The following DNM2 variants were observed in gnomAD, a reference collection of about 807,000 sequenced individuals.
DNM2 encodes the protein dynamin 2.
DNM2 carries 15 observed loss-of-function variants against 99.0 expected under a neutral mutation model. The ratio of observed to expected loss-of-function variants is 0.15; its 90% CI spans 0.10 to 0.23. The LOEUF is 0.23. Among genes scored for constraint, DNM2 ranks in the 10% least tolerant of loss-of-function variants. DNM2 has a pLI of 1.00. For missense variants in DNM2, 742 were observed against 1,189.4 expected (o/e 0.62, Z 5.53); for synonymous variants, 525 against 481.2 (o/e 1.09, Z -1.19).
rs374887052 is a variant in DNM2, at chr19:10,783,675, TTTATTA to T, written c.849+582_849+587del. 3.6e-3 allele frequency among the ~76,000 whole-genome samples: 507 copies of T among 141,328 alleles called. 3 individuals carry two copies. Among genetic ancestry groups the T allele is most frequent in the African/African-American group, 0.013 (489 of 36,336 alleles). The allele number at this position is 141,328 out of a possible 152,430, so 92.7% of individuals were successfully genotyped here. A position where few individuals can be genotyped will look rare whatever the true frequency, so the allele number is the denominator to read the frequency against. ...ACAGGGGGTTAATAACTCTTTTTTA[TTTATTA>T]TTATTATTATTATTATTATTATTAT... On this transcript the variant is annotated intron_variant, in intron 6 of 20. Coordinates refer to ENST00000389253, the MANE Select transcript of DNM2 (RefSeq NM_001005361.3).
At chr19:10,826,765 TAGTCCCAGCTACTC>T (rs2073154820) in intron 18 of DNM2, among the ~76,000 whole-genome samples, 1 of 152,056 alleles carries the variant, frequency 6.6e-6, no homozygotes, top group Non-Finnish European at 1.5e-5. Context: ...CAAATGCCTG[TAGTCCCAGCTACTC>T]AGAAGACCGA....
rs181360232 is a variant in DNM2, at chr19:10,756,940, C to T, written c.162-2798C>T. ...CACCTGCCTCCTGCTCCTGCCCTCTCCTCTGCCCTGCATCAGCCAGAGGGG... is the reference window on the plus strand; with the variant it reads ...CACCTGCCTCCTGCTCCTGCCCTCTTCTCTGCCCTGCATCAGCCAGAGGGG... On this transcript the variant is annotated intron_variant, in intron 1 of 20. Coordinates refer to ENST00000389253, the MANE Select transcript of DNM2 (RefSeq NM_001005361.3). 1.9e-3 allele frequency among the ~76,000 whole-genome samples: 294 copies of T among 152,286 alleles called. 1 individual carries two copies. Among genetic ancestry groups the T allele is most frequent in the Non-Finnish European group, 3.5e-3 (235 of 68,018 alleles).
At chr19:10,733,173 C>T (rs905855103) in intron 1 of DNM2, among the ~76,000 whole-genome samples, 3 of 145,468 alleles carry the variant, frequency 2.1e-5, no homozygotes, top group Non-Finnish European at 3.0e-5. Flanking sequence ...TGTGAGCCAC[C>T]GCGCCTGGGC....
rs111604945 is a variant in DNM2 at position 10,799,419 on chromosome 19, T to C, written c.1422+847T>C. ...AGCCAAGCGTGTTGTTTGTTGTATC[T>C]GTAGTTTGCTGCCTTGATTACTAAG... On this transcript the variant is annotated intron_variant, in intron 11 of 20. Coordinates refer to ENST00000389253, the MANE Select transcript of DNM2 (RefSeq NM_001005361.3). Among the ~76,000 whole-genome samples the C allele has an allele frequency of 4.0e-3, 600 of 151,348 alleles. 3 individuals carry two copies. Among genetic ancestry groups the C allele is most frequent in the African/African-American group, 0.014 (565 of 41,404 alleles).
At chr19:10,732,611 A>G (rs538285998) in intron 1 of DNM2, among the ~76,000 whole-genome samples, 12 of 151,902 alleles carry the variant, frequency 7.9e-5, no homozygotes, top group Admixed American at 7.9e-4. Flanking sequence ...AAAAAAAAGG[A>G]AAAACAATTC....
At chr19:10,719,265 A>G (rs2068857448) in intron 1 of DNM2, among the ~76,000 whole-genome samples, 1 of 152,084 alleles carries the variant, frequency 6.6e-6, no homozygotes, top group Non-Finnish European at 1.5e-5. Context: ...GAGCTGAAGG[A>G]GGAGGTTTGG....
At position 10,805,952 on chromosome 19, in the gene DNM2, A is replaced by G. The variant is rs755640122; in HGVS notation, c.1530A>G (p.Arg510=). 4.3e-6 allele frequency: 7 copies of G among 1,613,892 alleles called. No individual in the cohort carries two copies. Among genetic ancestry groups the G allele is most frequent in the Non-Finnish European group, 5.9e-6 (7 of 1,180,038 alleles). The part of the protein sequence containing the change: ...QQRSTQLNKK[R]AIPNQGEILV... ...GGAGCACGCAGCTGAACAAGAAGAG[A>G]GCCATCCCCAATCAGGTAGCACACC... Residue 510 remains arginine, a synonymous_variant, in exon 13 of 21, where the codon AGA becomes AGG. Coordinates refer to ENST00000389253, the MANE Select transcript of DNM2 (RefSeq NM_001005361.3).
At position 10,771,252 on chromosome 19, in the gene DNM2, A is replaced by G. The variant is rs114723480; in HGVS notation, c.236-1227A>G. ...TCGGCAGCCACCTTCCGTGATGAAC[A>G]TGCCTTATATTTGCTTTGTCCTCAA... On this transcript the variant is annotated intron_variant, in intron 2 of 20. Transcript: ENST00000389253. Among the ~76,000 whole-genome samples, 721 of 152,268 alleles carry G rather than the reference A, an allele frequency of 4.7e-3. 7 individuals are homozygous for G. The highest frequency in any genetic ancestry group is 0.016 in the African/African-American group (681 of 41,562).
chr19:10,768,175 C>T (rs781719859), intron 2 of DNM2, among the ~76,000 whole-genome samples: 4 of 151,782 alleles, frequency 2.6e-5, no homozygotes, highest in African/African-American at 7.3e-5. Context: ...CCCTGCTGGC[C>T]GGGCGCGGTG....
intron 13 of DNM2, 81 bp from the exon 14 acceptor site, chr19:10,808,488 C>T: frequency 6.7e-7 from 1 of 1,493,768 alleles, no homozygotes; most frequent in Non-Finnish European, 9.1e-7. Context: ...TTTTCTTTGT[C>T]CCCTTCACGT....
chr19:10,739,723 G>A (rs991251108), intron 1 of DNM2, among the ~76,000 whole-genome samples: 3 of 151,920 alleles, frequency 2.0e-5, no homozygotes, highest in African/African-American at 7.3e-5. Flanking sequence ...GGGTGTAGTG[G>A]CACATGCCTG....
In DNM2 at chr19:10,799,814, G is replaced by T. The variant is rs186294510; in HGVS notation, c.1422+1242G>T. ...CTCCCAAAGTGCTGGGATTATAGGG[G>T]TGAGCTACCACGCCCAGCCTGCTTT... On this transcript the variant is annotated intron_variant, in intron 11 of 20. Coordinates refer to ENST00000389253, the MANE Select transcript of DNM2 (RefSeq NM_001005361.3). 1.1e-4 allele frequency among the ~76,000 whole-genome samples: 17 copies of T among 151,906 alleles called. 1 individual carries two copies. In the East Asian group the frequency reaches 2.7e-3, roughly 24 times the overall value.
At chr19:10,808,151 A>T (rs2072417760) in intron 13 of DNM2, among the ~76,000 whole-genome samples, 1 of 151,740 alleles carries the variant, frequency 6.6e-6, no homozygotes, top group Non-Finnish European at 1.5e-5. Flanking sequence ...TCAGGAAAAA[A>T]AAAAAGAAAG....
rs148105340 is a variant in DNM2, at chr19:10,786,658, A to G, written c.944A>G (p.Lys315Arg). 15 of 1,614,028 alleles carry G rather than the reference A, an allele frequency of 9.3e-6. No homozygotes were observed. Among genetic ancestry groups the G allele is most frequent in the Admixed American group, 5.0e-5 (3 of 59,996 alleles). ...CTGGAGAAGGAGGTGGAGGAGTACA[A>G]GAACTTTCGGCCCGACGACCCCACC... ...LSLEKEVEEY[K>R]NFRPDDPTRK... Residue 315 changes from lysine to arginine, a missense_variant, in exon 7 of 21, where the codon AAG (lysine) becomes AGG (arginine). This residue lies in a region of DNM2 where 44 missense variants were observed against 41.3 expected (regional missense o/e 1.06). Transcript: ENST00000389253.
At position 10,796,427 on chromosome 19, in the gene DNM2, A is replaced by T. The variant is rs536988136; in HGVS notation, c.1197-953A>T. Reference sequence around the variant, plus strand: ...TCCTGGACTGGCCAGACAGATGCACAGTTGTCCCTGGGACCCTGATACCAA... The same window carrying T: ...TCCTGGACTGGCCAGACAGATGCACTGTTGTCCCTGGGACCCTGATACCAA... On this transcript the variant is annotated intron_variant, in intron 9 of 20. Transcript: ENST00000389253. This position sits in a 1 kb window ranked among gnomAD's most constrained non-coding sequence, Gnocchi z 5.6. Among the ~76,000 whole-genome samples, 23 of 152,248 alleles carry T rather than the reference A, an allele frequency of 1.5e-4. No homozygotes were observed. Among genetic ancestry groups the T allele is most frequent in the African/African-American group, 5.1e-4 (21 of 41,552 alleles).
At chr19:10,750,079 G>A (rs2070139308) in intron 1 of DNM2, among the ~76,000 whole-genome samples, 1 of 152,192 alleles carries the variant, frequency 6.6e-6, no homozygotes, top group Admixed American at 6.5e-5. Context: ...GAAGCTTGGA[G>A]GCAGGATCTT....
In DNM2 at chr19:10,830,233, G is replaced by A. The variant is rs771995046; in HGVS notation, c.2398G>A (p.Ala800Thr). 7 of 1,613,964 alleles carry A rather than the reference G, an allele frequency of 4.3e-6. No homozygotes were observed. The highest frequency in any genetic ancestry group is 5.9e-6 in the Non-Finnish European group (7 of 1,179,906). The change falls in exon 20 of 21, where the codon GCA (alanine) becomes ACA (threonine). Residue 800 changes from alanine (A) to threonine (T), a missense_variant. Ala to Thr is a moderately conservative substitution (Grantham distance 58). Transcript: ENST00000389253. This position sits in a 1 kb window ranked among gnomAD's most constrained non-coding sequence, Gnocchi z 4.8. ...GPPLIPVPVG[A>T]AASFSAPPIP... Reference sequence around the variant, plus strand: ...CCCCCTGATTCCTGTTCCCGTGGGGGCAGCAGCCTCCTTCTCGGCGCCCCC... The same window carrying A: ...CCCCCTGATTCCTGTTCCCGTGGGGACAGCAGCCTCCTTCTCGGCGCCCCC...
At chr19:10,736,124 G>A (rs773974833) in intron 1 of DNM2, among the ~76,000 whole-genome samples, 1 of 152,072 alleles carries the variant, frequency 6.6e-6, no homozygotes, top group African/African-American at 2.4e-5. Flanking sequence ...AATTAGCTGG[G>A]CGTGGTGGTG....
chr19:10,732,345 A>G (rs2069356269), intron 1 of DNM2, among the ~76,000 whole-genome samples: 1 of 148,628 alleles, frequency 6.7e-6, no homozygotes, highest in African/African-American at 2.5e-5. Context: ...TCATGCCTGT[A>G]ATCCCAGCAC....
Sources: gnomAD v4.1 joint callset for allele counts (sites outside exome capture counted in the v4.1 genomes callset) on GRCh38, gnomAD v4.1.1 for gene constraint, gnomAD v4.1.1 regional missense constraint, Gnocchi (gnomAD v3.1) non-coding constraint, MANE v1.5 for transcripts, NCBI Gene and HGNC (gene_info 2026-07-23, HGNC 2026-07-21) for gene names.